HHAT: variants seen among roughly 807,000 people sequenced by gnomAD.
HHAT encodes protein-cysteine N-palmitoyltransferase HHAT.
Under a neutral mutation model 70.8 loss-of-function variants are expected in HHAT, and 47 were observed. The ratio of observed to expected loss-of-function variants is 0.66; its 90% CI spans 0.53 to 0.85. The LOEUF (loss-of-function observed/expected upper bound fraction) is 0.85. Among genes scored for constraint, HHAT ranks in the 40% least tolerant of loss-of-function variants. The pLI, the probability that HHAT is intolerant of heterozygous loss-of-function variation, is 0.00. For missense variants in HHAT, 609 were observed against 604.8 expected, an observed-to-expected ratio of 1.01 and a Z score of -0.07; for synonymous variants, 228 against 247.6, an observed-to-expected ratio of 0.92 and a Z score of 0.74.
At position 210,380,546 on chromosome 1, in the gene HHAT, TAAATA is replaced by T. The variant is rs58841455; in HGVS notation, c.160-6907_160-6903del. Reference sequence around the variant, plus strand: ...CAGAGCAAGACTCTGTCGCAAAAAATAAATAAAATAAAATAAAATTTTAAAAAGCA... The same window carrying T: ...CAGAGCAAGACTCTGTCGCAAAAAATAAATAAAATAAAATTTTAAAAAGCA... On this transcript the variant is annotated intron_variant, in intron 3 of 11. Coordinates refer to ENST00000261458, the MANE Select transcript of HHAT (RefSeq NM_018194.6). Among the ~76,000 whole-genome samples, 400 of 151,798 alleles carry T rather than the reference TAAATA, an allele frequency of 2.6e-3. 1 individual carries two copies. The highest frequency in any genetic ancestry group is 8.6e-3 in the African/African-American group (355 of 41,354).
At chr1:210,328,525 A>C (rs2084705107), upstream of HHAT, 1 of 153,776 alleles carries the variant, frequency 6.5e-6, no homozygotes, top group Non-Finnish European at 1.4e-5. Context: ...TAAGCCCTCG[A>C]AGCTGCCAGG....
At position 210,365,314 on chromosome 1, in the gene HHAT, T is replaced by TTTTTTTTG. The variant is rs1407538463; in HGVS notation, c.159+2402_159+2403insGTTTTTTT. ...AAACCTCAGTACTGCTGACAGTTTT[T>TTTTTTTTG]TTTTTTTTTTTTTTTTTTTTGAGAC... On this transcript the variant is annotated intron_variant, in intron 3 of 11. Transcript: ENST00000261458. 2.6e-3 allele frequency among the ~76,000 whole-genome samples: 298 copies of TTTTTTTTG among 116,708 alleles called. 7 individuals carry two copies. Among genetic ancestry groups the TTTTTTTTG allele is most frequent in the South Asian group, 4.9e-3 (16 of 3,270 alleles). 76.6% of individuals were successfully genotyped at this position (116,708 alleles called of 152,430 possible).
intron 11 of HHAT, among the ~76,000 whole-genome samples, chr1:210,633,824 G>C (rs151211549): frequency 6.6e-6 from 1 of 152,124 alleles, no homozygotes; most frequent in African/African-American, 2.4e-5. Context: ...TCCCCTGGGC[G>C]CTTGCTGGCG....
chr1:210,409,600 A>C (rs961935695), intron 6 of HHAT, among the ~76,000 whole-genome samples: 1 of 152,132 alleles, frequency 6.6e-6, no homozygotes, highest in African/African-American at 2.4e-5. Flanking sequence ...AAGCAGAGAG[A>C]AGCTAATAAG....
intron 4 of HHAT, among the ~76,000 whole-genome samples, chr1:210,393,551 CAG>C (rs1454197264): frequency 1.3e-5 from 2 of 149,182 alleles, no homozygotes; most frequent in Admixed American, 6.6e-5. Flanking sequence ...GTTCTGGTCT[CAG>C]AGCAGGCCTC....
chr1:210,645,316 C>CGACA, intron 11 of HHAT, among the ~76,000 whole-genome samples: 1 of 152,160 alleles, frequency 6.6e-6, no homozygotes, highest in Non-Finnish European at 1.5e-5. Flanking sequence ...CTCTCTCTGT[C>CGACA]GCCCAGGCTG....
At chr1:210,673,479 T>G (rs577832836) in intron 11 of HHAT, among the ~76,000 whole-genome samples, 2 of 152,150 alleles carry the variant, frequency 1.3e-5, no homozygotes, top group East Asian at 3.9e-4. Flanking sequence ...GTACAGATTT[T>G]GGAACATGAC....
At chr1:210,573,203 C>G (rs918987640) in intron 9 of HHAT, among the ~76,000 whole-genome samples, 2 of 152,152 alleles carry the variant, frequency 1.3e-5, no homozygotes, top group East Asian at 3.9e-4. Flanking sequence ...TGGTTCTTTC[C>G]TAGCCCTTGA....
At chr1:210,530,576 T>C (rs2095304333) in intron 9 of HHAT, among the ~76,000 whole-genome samples, 2 of 151,712 alleles carry the variant, frequency 1.3e-5, no homozygotes, top group East Asian at 3.9e-4. Flanking sequence ...GAATAAGGAG[T>C]TATTAACGGA....
chr1:210,401,491 C>A (rs74156149), intron 5 of HHAT, among the ~76,000 whole-genome samples: 7 of 152,134 alleles, frequency 4.6e-5, no homozygotes, highest in African/African-American at 1.4e-4. Context: ...AAGTGTTTAG[C>A]CCCGAAGGGC....
At position 210,418,265 on chromosome 1, in the gene HHAT, T is replaced by A. The variant is rs543648313; in HGVS notation, c.796T>A (p.Tyr266Asn). The A allele has an allele frequency of 1.2e-6, 2 of 1,613,708 alleles. No homozygotes were observed. The highest frequency in any genetic ancestry group is 2.2e-5 in the East Asian group (1 of 44,852). ...GGCCGAGCTGATGGCTCACCTGATGTACATGCATGCCATCTACAGCAGCAT... is the reference window on the plus strand; with the variant it reads ...GGCCGAGCTGATGGCTCACCTGATGAACATGCATGCCATCTACAGCAGCAT... ...WLAELMAHLMYMHAIYSSIPL... is the reference protein window; with the variant it reads ...WLAELMAHLMNMHAIYSSIPL... Residue 266 changes from tyrosine (Y) to asparagine (N), a missense_variant, in exon 7 of 12, where the codon TAC becomes AAC. Tyr to Asn is a moderately radical substitution (Grantham distance 143). Coordinates refer to ENST00000261458, the MANE Select transcript of HHAT (RefSeq NM_018194.6).
chr1:210,501,855 C>T (rs997773576), intron 8 of HHAT, among the ~76,000 whole-genome samples: 6 of 152,078 alleles, frequency 3.9e-5, no homozygotes, highest in East Asian at 1.9e-4. Flanking sequence ...TTGCTTCATC[C>T]GAGACCTTCT....
intron 9 of HHAT, among the ~76,000 whole-genome samples, chr1:210,568,885 T>C (rs1279139151): frequency 6.6e-6 from 1 of 152,136 alleles, no homozygotes; most frequent in Non-Finnish European, 1.5e-5. Context: ...TAAAACAACT[T>C]GGGGCCTGTG....
Position 210,561,604 on chromosome 1 carries a change from A to G in HHAT, c.1044-26294A>G, listed in dbSNP as rs2095623311. Among the ~76,000 whole-genome samples the G allele has an allele frequency of 2.0e-5, 3 of 152,104 alleles. No individual in the cohort carries two copies. The South Asian group carries it at 6.2e-4, about 32-fold the overall frequency. On this transcript the variant is annotated intron_variant, in intron 9 of 11. Transcript: ENST00000261458. ...TACTGCTGCTCTGTATGCTACTCAC[A>G]TTACCTTAAACTGCTGTCATTTTCT... is the stretch of plus-strand genomic sequence containing the variant.
intron 9 of HHAT, among the ~76,000 whole-genome samples, chr1:210,533,991 A>G (rs1044817633): frequency 1.2e-4 from 19 of 152,136 alleles, no homozygotes; most frequent in African/African-American, 4.3e-4. Context: ...GTTAGGCAGG[A>G]GGCTGGAAGA....
chr1:210,425,849 T>G (rs2093046081), intron 7 of HHAT, among the ~76,000 whole-genome samples: 1 of 152,200 alleles, frequency 6.6e-6, no homozygotes. Flanking sequence ...CATATGAATT[T>G]TAAAATAATT....
chr1:210,490,856 T>C (rs2094539858), intron 8 of HHAT, among the ~76,000 whole-genome samples: 1 of 152,154 alleles, frequency 6.6e-6, no homozygotes, highest in Non-Finnish European at 1.5e-5. Context: ...ATTTTTACTT[T>C]TCAAGTAGAA....
At chr1:210,432,180 C>T (rs985912532) in intron 7 of HHAT, among the ~76,000 whole-genome samples, 2 of 151,674 alleles carry the variant, frequency 1.3e-5, no homozygotes, top group African/African-American at 4.9e-5. Flanking sequence ...GAGACAGGTA[C>T]GTGGGAACTG....
intron 1 of HHAT, among the ~76,000 whole-genome samples, chr1:210,340,036 C>A (rs910168430): frequency 4.6e-5 from 7 of 151,686 alleles, no homozygotes; most frequent in African/African-American, 7.3e-5. Flanking sequence ...AAGAATAAGT[C>A]TTTGTAAGAC....
Sources: gnomAD v4.1 joint callset for allele counts (sites outside exome capture counted in the v4.1 genomes callset) on GRCh38, gnomAD v4.1.1 for gene constraint, MANE v1.5 for transcripts, NCBI Gene and HGNC (gene_info 2026-07-23, HGNC 2026-07-21) for gene names.